The following CDH4 variants were observed in gnomAD, a reference collection of about 807,000 sequenced individuals.
The protein encoded by CDH4 is cadherin 4, also known as cadherin-4.
In CDH4, 33 loss-of-function variants were observed where a neutral mutation model predicts 86.0. That is an observed-to-expected ratio of 0.38 (90% CI 0.29 to 0.51). The LOEUF (loss-of-function observed/expected upper bound fraction) is 0.51, where lower values mean the gene tolerates loss of function less well. CDH4 is among the 20% of genes least tolerant of loss of function. The probability of loss-of-function intolerance (pLI) is 0.86; values close to 1 mark genes in which losing one functional copy is unlikely to be tolerated. For missense variants in CDH4, 1,114 were observed against 1,307.4 expected, an observed-to-expected ratio of 0.85 and a Z score of 2.28; for synonymous variants, 555 against 549.4, an observed-to-expected ratio of 1.01 and a Z score of -0.14.
intron 2 of CDH4, among the ~76,000 whole-genome samples, chr20:61,601,549 G>A (rs913494273): frequency 5.3e-5 from 8 of 152,154 alleles, no homozygotes; most frequent in African/African-American, 1.9e-4. Context: ...TGCTCTTCCC[G>A]GGGCCTGTTC....
chr20:61,580,673 T>A (rs918679270), intron 2 of CDH4, among the ~76,000 whole-genome samples: 1 of 152,140 alleles, frequency 6.6e-6, no homozygotes, highest in Non-Finnish European at 1.5e-5. Context: ...TGACTCCTGC[T>A]GGCTGAAGCA....
intron 7 of CDH4, among the ~76,000 whole-genome samples, chr20:61,883,390 G>A (rs1984384028): frequency 6.6e-6 from 1 of 152,230 alleles, no homozygotes; most frequent in African/African-American, 2.4e-5. Flanking sequence ...CACTGGGCAA[G>A]TGGTGGTATC....
chr20:61,703,412 G>C lies in CDH4; in HGVS notation c.170-40151G>C, dbSNP rs536529630. On this transcript the variant is annotated intron_variant, in intron 2 of 15. Transcript: ENST00000614565. The surrounding 1 kb of genome is among the most constrained non-coding windows in gnomAD (Gnocchi z 4.3). ...GTGAATGGAGACACTGGCAGCAGGG[G>C]CATTTCATAAGGAGGGGACAGTGTG... 6.6e-6 allele frequency among the ~76,000 whole-genome samples: 1 copy of C among 152,194 alleles called. No homozygotes were observed. Among genetic ancestry groups the C allele is most frequent in the Admixed American group, 6.5e-5 (1 of 15,276 alleles).
chr20:61,513,849 C>T (rs2085797760), intron 2 of CDH4, among the ~76,000 whole-genome samples: 1 of 152,190 alleles, frequency 6.6e-6, no homozygotes, highest in South Asian at 2.1e-4. Flanking sequence ...CAGCATCTTC[C>T]CTTGCTCCCT....
rs928001391 is a variant in CDH4, at chr20:61,570,955, G to A, written c.170-172608G>A. 1.3e-5 allele frequency among the ~76,000 whole-genome samples: 2 copies of A among 152,198 alleles called. 1 individual carries two copies. Among genetic ancestry groups the A allele is most frequent in the South Asian group, 4.1e-4 (2 of 4,832 alleles). On this transcript the variant is annotated intron_variant, in intron 2 of 15. Transcript: ENST00000614565. ...GGTCTGTGTGGGTGCAGGGCTGCAG[G>A]GAGGCAGTACATTTTGTAGCTGGAA... is the stretch of plus-strand genomic sequence containing the variant.
chr20:61,724,290 C>T (rs1268810401), intron 2 of CDH4, among the ~76,000 whole-genome samples: 1 of 152,176 alleles, frequency 6.6e-6, no homozygotes, highest in African/African-American at 2.4e-5. Context: ...CTTACCGTGC[C>T]AGCAGCAGGG....
intron 3 of CDH4, among the ~76,000 whole-genome samples, chr20:61,770,116 G>T (rs866858414): frequency 2.6e-5 from 4 of 152,152 alleles, no homozygotes; most frequent in Non-Finnish European, 5.9e-5. Flanking sequence ...TGTCCTGGAA[G>T]CTCTTTAAAG....
intron 2 of CDH4, among the ~76,000 whole-genome samples, chr20:61,338,966 A>C (rs1192807492): frequency 6.6e-6 from 1 of 152,154 alleles, no homozygotes; most frequent in African/African-American, 2.4e-5. Context: ...AACAAAAAGA[A>C]ACCAAAATGT....
chr20:61,490,631 A>G (rs774942296), intron 2 of CDH4, among the ~76,000 whole-genome samples: 3 of 151,996 alleles, frequency 2.0e-5, no homozygotes, highest in Non-Finnish European at 4.4e-5. Context: ...CCCGGGAGGC[A>G]GAGGTTGCAG....
chr20:61,312,369 C>T (rs1471905946), intron 2 of CDH4, among the ~76,000 whole-genome samples: 2 of 148,986 alleles, frequency 1.3e-5, no homozygotes, highest in Non-Finnish European at 3.0e-5. Flanking sequence ...GTGATGTATG[C>T]ATATGTGTGG....
intron 2 of CDH4, among the ~76,000 whole-genome samples, chr20:61,656,766 G>C (rs1240481703): frequency 6.6e-6 from 1 of 152,158 alleles, no homozygotes; most frequent in Non-Finnish European, 1.5e-5. Flanking sequence ...GATGCCAAAG[G>C]CAGGGGTCCA....
chr20:61,636,055 G>T (rs1445756299), intron 2 of CDH4, among the ~76,000 whole-genome samples: 1 of 152,248 alleles, frequency 6.6e-6, no homozygotes, highest in African/African-American at 2.4e-5. Flanking sequence ...GCCTGCTGAT[G>T]AATGCGGGGG....
chr20:61,576,398 A>G (rs1475084489), intron 2 of CDH4, among the ~76,000 whole-genome samples: 5 of 152,116 alleles, frequency 3.3e-5, no homozygotes, highest in African/African-American at 7.2e-5. Flanking sequence ...CCAGGCTAAT[A>G]CAGATTAACT....
chr20:61,395,949 T>C (rs534316090), intron 2 of CDH4, among the ~76,000 whole-genome samples: 2 of 152,246 alleles, frequency 1.3e-5, no homozygotes, highest in Admixed American at 1.3e-4. Context: ...TTTGGGATGA[T>C]TTCATCAATT....
Position 61,911,592 on chromosome 20 carries a change from C to T in CDH4, c.1374+985C>T, listed in dbSNP as rs115022472. On this transcript the variant is annotated intron_variant, in intron 9 of 15. Transcript: ENST00000614565. ...GAGCTTAAAGCTGGGTAGGATCTGC[C>T]GAAGCGTAAGGAAAAGCAAGATGAG... 6.9e-3 allele frequency among the ~76,000 whole-genome samples: 1,036 copies of T among 150,402 alleles called. 32 individuals carry two copies. Among genetic ancestry groups the T allele is most frequent in the African/African-American group, 0.025 (990 of 40,206 alleles).
intron 2 of CDH4, among the ~76,000 whole-genome samples, chr20:61,647,044 T>A (rs1287154720): frequency 1.3e-5 from 2 of 152,204 alleles, no homozygotes; most frequent in African/African-American, 4.8e-5. Flanking sequence ...TCTTGACAAT[T>A]ATGCAAAATT....
intron 2 of CDH4, among the ~76,000 whole-genome samples, chr20:61,636,161 C>A (rs1429362961): frequency 6.6e-6 from 1 of 152,224 alleles, no homozygotes; most frequent in Non-Finnish European, 1.5e-5. Context: ...CTTCCTTTGG[C>A]AACTGGGCTA....
chr20:61,664,402 G>T (rs981710855), intron 2 of CDH4, among the ~76,000 whole-genome samples: 1 of 152,216 alleles, frequency 6.6e-6, no homozygotes. Flanking sequence ...AGAAACCACA[G>T]CTGGGGCATG....
chr20:61,509,572 G>T (rs1251385196), intron 2 of CDH4, among the ~76,000 whole-genome samples: 2 of 151,244 alleles, frequency 1.3e-5, no homozygotes, highest in African/African-American at 4.9e-5. Flanking sequence ...AGCATGGCAA[G>T]AGGAGGGTAC....
Sources: allele counts gnomAD v4.1 joint callset (sites outside exome capture counted in the v4.1 genomes callset), GRCh38; gene constraint gnomAD v4.1.1; non-coding constraint Gnocchi (gnomAD v3.1); transcripts MANE v1.5; gene names NCBI Gene and HGNC (gene_info 2026-07-23, HGNC 2026-07-21).